Variants in FDX1 observed in about 807,000 individuals in gnomAD.
The protein encoded by FDX1 is adrenodoxin, mitochondrial.
A neutral mutation model predicts 14.9 loss-of-function variants in FDX1; 9 were observed. That is an observed-to-expected ratio of 0.60 (90% CI 0.36 to 1.05). The LOEUF (loss-of-function observed/expected upper bound fraction) is 1.05, where lower values mean the gene tolerates loss of function less well. Among genes scored for constraint, FDX1 ranks in the 50% least tolerant of loss-of-function variants. The probability of loss-of-function intolerance (pLI) is 0.01; values close to 1 mark genes in which losing one functional copy is unlikely to be tolerated. For synonymous variants in FDX1, 92 were observed against 99.4 expected (o/e 0.93, Z 0.44); for missense variants, 204 against 237.2 (o/e 0.86, Z 0.92).
intron 2 of FDX1, among the ~76,000 whole-genome samples, chr11:110,444,659 T>C (rs1474494135): frequency 1.3e-5 from 1 of 78,130 alleles, no homozygotes; most frequent in African/African-American, 6.6e-5. Flanking sequence ...TGTATATATA[T>C]ATATACGTAT....
In FDX1 at chr11:110,435,969, A is replaced by T; in HGVS notation, c.310+11A>T. ...ATATTGATGGCTTTGGTGAGTATGA[A>T]ACATTTCTTAAAATGCATAAGTGAA... On this transcript the variant is annotated intron_variant, in intron 2 of 3. Coordinates refer to ENST00000260270, the MANE Select transcript of FDX1 (RefSeq NM_004109.5). 1 of 1,596,350 alleles carries T rather than the reference A, an allele frequency of 6.3e-7. No individual in the cohort carries two copies. Among genetic ancestry groups the T allele is most frequent in the Non-Finnish European group, 8.5e-7 (1 of 1,174,826 alleles).
At chr11:110,447,273 C>CAAAAAAAAAAAAAAAAAAA (rs541827807) in intron 2 of FDX1, among the ~76,000 whole-genome samples, 1 of 75,752 alleles carries the variant, frequency 1.3e-5, no homozygotes, top group Non-Finnish European at 2.7e-5. Flanking sequence ...ACTAAAAATA[C>CAAAAAAAAAAAAAAAAAAA]AAAAAAAAAA....
At chr11:110,438,221 A>C (rs1946383180) in intron 2 of FDX1, among the ~76,000 whole-genome samples, 1 of 152,186 alleles carries the variant, frequency 6.6e-6, no homozygotes, top group South Asian at 2.1e-4. Flanking sequence ...TTTCCACAGC[A>C]GCTTAACTAA....
At chr11:110,436,009 A>T (rs773023611) in intron 2 of FDX1, 51 bp downstream of exon 2, 1 of 1,531,618 alleles carries the variant, frequency 6.5e-7, no homozygotes, top group East Asian at 2.3e-5. Flanking sequence ...TTAGGTTTCA[A>T]ATTTTTATTT....
intron 2 of FDX1, among the ~76,000 whole-genome samples, chr11:110,444,743 T>TATATATACAC (rs1369789746): frequency 4.5e-4 from 20 of 44,728 alleles, no homozygotes; most frequent in African/African-American, 1.8e-3. Context: ...TATATATATA[T>TATATATACAC]ACACGTATAT....
intron 2 of FDX1, among the ~76,000 whole-genome samples, chr11:110,449,611 A>G (rs974563675): frequency 6.6e-6 from 1 of 152,246 alleles, no homozygotes; most frequent in South Asian, 2.1e-4. Flanking sequence ...TGCTGTTGCT[A>G]TAGATTTTTT....
chr11:110,444,743 T>C lies in FDX1; in HGVS notation c.310+8785T>C, dbSNP rs1222174488. Among the ~76,000 whole-genome samples the C allele has an allele frequency of 1.6e-3, 70 of 44,734 alleles. 2 individuals carry two copies. The highest frequency in any genetic ancestry group is 9.4e-3 in the Middle Eastern group (1 of 106). 29.3% of individuals were successfully genotyped at this position (44,734 alleles called of 152,430 possible). On this transcript the variant is annotated intron_variant, in intron 2 of 3. Transcript: ENST00000260270. ...ATATACGTATATATATATATATATA[T>C]ACACGTATATATATATATATATATT...
At chr11:110,439,369 G>A (rs1414992129) in intron 2 of FDX1, among the ~76,000 whole-genome samples, 5 of 151,600 alleles carry the variant, frequency 3.3e-5, no homozygotes, top group Admixed American at 6.6e-5. Context: ...TACCATGCCC[G>A]GCTAATTTTT....
At chr11:110,438,448 C>T (rs190921415) in intron 2 of FDX1, among the ~76,000 whole-genome samples, 195 of 151,920 alleles carry the variant, frequency 1.3e-3, no homozygotes, top group African/African-American at 4.3e-3. Context: ...TTATTTTTGA[C>T]ACAAAGTCTC....
At chr11:110,441,413 C>A (rs546673608) in intron 2 of FDX1, among the ~76,000 whole-genome samples, 1 of 152,238 alleles carries the variant, frequency 6.6e-6, no homozygotes, top group African/African-American at 2.4e-5. Context: ...ATGGCTTTGG[C>A]CAAAATGCTG....
Position 110,447,463 on chromosome 11 carries a change from A to G in FDX1, c.311-9455A>G, listed in dbSNP as rs374201202. Among the ~76,000 whole-genome samples the G allele has an allele frequency of 1.4e-4, 21 of 152,180 alleles. No individual in the cohort carries two copies. The South Asian group carries it at 3.3e-3, about 24-fold the overall frequency. ...GTGAGACTCCTTCAAACAAACAAAC[A>G]AAAAACCATGAGTGTCTTCCTTTGC... On this transcript the variant is annotated intron_variant, in intron 2 of 3. Coordinates refer to ENST00000260270, the MANE Select transcript of FDX1 (RefSeq NM_004109.5).
chr11:110,444,656 ATATATATACG>A (rs1348110051), intron 2 of FDX1, among the ~76,000 whole-genome samples: 1 of 83,910 alleles, frequency 1.2e-5, no homozygotes, highest in African/African-American at 5.8e-5. Flanking sequence ...GTGTGTATAT[ATATATATACG>A]TATATATATA....
chr11:110,453,558 G>T (rs1181445886), intron 2 of FDX1, among the ~76,000 whole-genome samples: 1 of 142,138 alleles, frequency 7.0e-6, no homozygotes, highest in Non-Finnish European at 1.5e-5. Context: ...ATTTTTGCAG[G>T]TTTTTTTTTT....
intron 2 of FDX1, among the ~76,000 whole-genome samples, chr11:110,438,943 G>C (rs752623061): frequency 2.0e-5 from 3 of 151,576 alleles, no homozygotes; most frequent in Non-Finnish European, 2.9e-5. Context: ...TTGTTCTGTC[G>C]CCCAGGCTAG....
rs377191711 is a variant in FDX1, at chr11:110,450,989, A to G, written c.311-5929A>G. Among the ~76,000 whole-genome samples the G allele has an allele frequency of 3.9e-5, 6 of 152,304 alleles. No individual in the cohort carries two copies. The East Asian group carries it at 9.6e-4, about 24-fold the overall frequency. On this transcript the variant is annotated intron_variant, in intron 2 of 3. Transcript: ENST00000260270. Reference sequence around the variant, plus strand: ...CCTCATTCCTTCATATACATCATATATTAGTATACCCATATTGTGATCAGC... The same window carrying G: ...CCTCATTCCTTCATATACATCATATGTTAGTATACCCATATTGTGATCAGC...
At chr11:110,447,273 CAAAAAAAA>C (rs541827807) in intron 2 of FDX1, among the ~76,000 whole-genome samples, 3 of 75,752 alleles carry the variant, frequency 4.0e-5, no homozygotes, top group Non-Finnish European at 8.1e-5. Context: ...ACTAAAAATA[CAAAAAAAA>C]AAAAAAAAAA....
At chr11:110,441,429 G>A (rs753188210) in intron 2 of FDX1, among the ~76,000 whole-genome samples, 29 of 152,182 alleles carry the variant, frequency 1.9e-4, no homozygotes, top group Admixed American at 2.6e-4. Flanking sequence ...TGCTGATAAC[G>A]ATATGGACAA....
chr11:110,429,963 G>C lies in FDX1; in HGVS notation c.-158G>C, dbSNP rs1002474916. On this transcript the variant is annotated 5_prime_UTR_variant, in exon 1 of 4. Coordinates refer to ENST00000260270, the MANE Select transcript of FDX1 (RefSeq NM_004109.5). ...CCCGGAAGGCACGCGGAACCTCGGCGCGGTGCTTCCAGCAGGGTCTCTCCG... is the reference window on the plus strand; with the variant it reads ...CCCGGAAGGCACGCGGAACCTCGGCCCGGTGCTTCCAGCAGGGTCTCTCCG... 39 of 408,176 alleles carry C rather than the reference G, an allele frequency of 9.6e-5. No homozygotes were observed. Among genetic ancestry groups the C allele is most frequent in the Middle Eastern group, 1.4e-3 (2 of 1,462 alleles). 25.3% of individuals were successfully genotyped at this position (408,176 alleles called of 1,614,324 possible).
intron 1 of FDX1, among the ~76,000 whole-genome samples, chr11:110,432,300 C>G (rs1005786350): frequency 6.6e-6 from 1 of 152,066 alleles, no homozygotes; most frequent in Admixed American, 6.5e-5. Flanking sequence ...TAAGACAATT[C>G]TATGAGGTAG....
Sources: allele counts gnomAD v4.1 joint callset (sites outside exome capture counted in the v4.1 genomes callset), GRCh38; gene constraint gnomAD v4.1.1; transcripts MANE v1.5; gene names NCBI Gene and HGNC (gene_info 2026-07-23, HGNC 2026-07-21).